The following GPR21 variants were observed in gnomAD, a reference collection of about 807,000 sequenced individuals.
GPR21 encodes G protein-coupled receptor 21.
In GPR21, 9 loss-of-function variants were observed where a neutral mutation model predicts 21.5. The ratio of observed to expected loss-of-function variants is 0.42; its 90% CI spans 0.25 to 0.73. The LOEUF (loss-of-function observed/expected upper bound fraction) is 0.73, where lower values mean the gene tolerates loss of function less well. Among genes scored for constraint, GPR21 ranks in the 30% least tolerant of loss-of-function variants. The pLI, the probability that GPR21 is intolerant of heterozygous loss-of-function variation, is 0.27. For synonymous variants in GPR21, 169 were observed against 159.3 expected (o/e 1.06, Z -0.46); for missense variants, 416 against 428.9 (o/e 0.97, Z 0.27).
At chr9:123,042,387 G>A in the GPR21 span, among the ~76,000 whole-genome samples, 2 of 152,086 alleles carry the variant, frequency 1.3e-5, no homozygotes, top group African/African-American at 4.8e-5. Context: ...AAAGTACAGA[G>A]CCCAAAACAA....
Position 123,034,929 on chromosome 9 carries a change from C to G in GPR21, c.363C>G (p.Ala121=). The G allele has an allele frequency of 6.2e-7, 1 of 1,612,580 alleles. No homozygotes were observed. Among genetic ancestry groups the G allele is most frequent in the Non-Finnish European group, 8.5e-7 (1 of 1,178,654 alleles). The change falls in exon 2 of 2, where the codon GCC becomes GCG. Residue 121 remains alanine, a synonymous_variant. Transcript: ENST00000616002. ...AGAGCGTCTCCATGGCTTCTCTGGCCTGTATCAGCATTGATAGATACATTG... is the reference window on the plus strand; with the variant it reads ...AGAGCGTCTCCATGGCTTCTCTGGCGTGTATCAGCATTGATAGATACATTG... ...VLKSVSMASL[A]CISIDRYIAI...
chr9:123,034,329 C>T lies in GPR21; in HGVS notation c.-238C>T. The T allele has an allele frequency of 1.8e-6, 1 of 541,706 alleles. No individual in the cohort carries two copies. The highest frequency in any genetic ancestry group is 3.2e-6 in the Non-Finnish European group (1 of 310,628). The allele number at this position is 541,706 out of a possible 1,614,324, so 33.6% of individuals were successfully genotyped here. On this transcript the variant is annotated 5_prime_UTR_variant, in exon 2 of 2. Transcript: ENST00000616002. ...GTGTATGGTGAACCTGGCACTATGG[C>T]CGCGTCTGGGACTGGCCAGACAACT...
the GPR21 span, among the ~76,000 whole-genome samples, chr9:123,046,569 A>G: frequency 1.3e-5 from 2 of 152,168 alleles, no homozygotes; most frequent in South Asian, 2.1e-4. Context: ...TGTCTTAACT[A>G]ATGACACTGT....
In GPR21 at chr9:123,034,963, A is replaced by G; in HGVS notation, c.397A>G (p.Lys133Glu). ...CATTGATAGATACATTGCCATTACTAAACCTTTAACCTATAATACTCTGGT... is the reference window on the plus strand; with the variant it reads ...CATTGATAGATACATTGCCATTACTGAACCTTTAACCTATAATACTCTGGT... Reference protein sequence around the residue: ...ISIDRYIAITKPLTYNTLVTP... With the variant: ...ISIDRYIAITEPLTYNTLVTP... Residue 133 changes from lysine to glutamate, a missense_variant, in exon 2 of 2, where the codon AAA becomes GAA. Coordinates refer to ENST00000616002, the MANE Select transcript of GPR21 (RefSeq NM_005294.3). 6.2e-7 allele frequency: 1 copy of G among 1,613,742 alleles called. No homozygotes were observed. The highest frequency in any genetic ancestry group is 8.5e-7 in the Non-Finnish European group (1 of 1,179,680).
the GPR21 span, among the ~76,000 whole-genome samples, chr9:123,042,636 A>G: frequency 3.9e-5 from 6 of 152,246 alleles, no homozygotes; most frequent in African/African-American, 1.4e-4. Flanking sequence ...TAGGTCAGAT[A>G]GTGAAACAAA....
chr9:123,046,631 G>A, the GPR21 span, among the ~76,000 whole-genome samples: 1 of 152,208 alleles, frequency 6.6e-6, no homozygotes, highest in Non-Finnish European at 1.5e-5. Flanking sequence ...AAAGCTCTTA[G>A]CGTAGTGCTT....
chr9:123,037,821 G>C (rs1297553480), downstream of GPR21, among the ~76,000 whole-genome samples: 1 of 152,022 alleles, frequency 6.6e-6, no homozygotes, highest in African/African-American at 2.4e-5. Flanking sequence ...TATTTGGAAA[G>C]TTCATGTTTA....
downstream of GPR21, among the ~76,000 whole-genome samples, chr9:123,037,275 A>C (rs1164416633): frequency 6.6e-6 from 1 of 152,194 alleles, no homozygotes; most frequent in African/African-American, 2.4e-5. Flanking sequence ...CATCAACTTG[A>C]TTTTAACCTC....
the GPR21 span, among the ~76,000 whole-genome samples, chr9:123,048,728 C>G: frequency 1.3e-5 from 2 of 152,156 alleles, no homozygotes; most frequent in Non-Finnish European, 2.9e-5. Context: ...TGACTATCAC[C>G]ACCTCTTAAA....
At chr9:123,042,159 A>G in the GPR21 span, among the ~76,000 whole-genome samples, 1 of 152,226 alleles carries the variant, frequency 6.6e-6, no homozygotes, top group Non-Finnish European at 1.5e-5. Context: ...CACTCTCAGA[A>G]TGTTCTAAGC....
chr9:123,036,701 CT>C (rs1249062827), downstream of GPR21, among the ~76,000 whole-genome samples: 10 of 151,892 alleles, frequency 6.6e-5, no homozygotes, highest in African/African-American at 2.2e-4. Flanking sequence ...GAAAAGTATT[CT>C]TTCAGTTAGT....
Position 123,034,674 on chromosome 9 carries a change from CT to C in GPR21, c.111del (p.Leu38Ter), listed in dbSNP as rs1564148717. 6.2e-7 allele frequency: 1 copy of C among 1,612,838 alleles called. No individual in the cohort carries two copies. Among genetic ancestry groups the C allele is most frequent in the South Asian group, 1.1e-5 (1 of 91,052 alleles). On this transcript the variant is annotated frameshift_variant, in exon 2 of 2. Coordinates refer to ENST00000616002, the MANE Select transcript of GPR21 (RefSeq NM_005294.3). LOFTEE classifies it high-confidence loss of function. ...FCLLEVLIIVFLTVLIISGNI... is the reference protein window; with the variant it reads ...FCLLEVLIIVXLTVLIISGNI... ...GCCTTTTGGAAGTATTGATTATTGT[CT>C]TTCTAACTGTATTGATTATTTCTGG...
downstream of GPR21, among the ~76,000 whole-genome samples, chr9:123,037,993 CAT>C (rs911083656): frequency 3.3e-5 from 5 of 152,090 alleles, no homozygotes; most frequent in South Asian, 2.1e-4. Context: ...TCAGAGGAAA[CAT>C]ATACTTTTGG....
chr9:123,044,103 C>T, the GPR21 span, among the ~76,000 whole-genome samples: 3 of 151,948 alleles, frequency 2.0e-5, no homozygotes, highest in Non-Finnish European at 4.4e-5. Context: ...CGGGGTTTCA[C>T]CATGTTATCC....
chr9:123,038,248 A>G (rs958250333), downstream of GPR21, among the ~76,000 whole-genome samples: 1 of 152,038 alleles, frequency 6.6e-6, no homozygotes, highest in African/African-American at 2.4e-5. Flanking sequence ...TCAAAATTCC[A>G]TTTTGGAAAA....
downstream of GPR21, among the ~76,000 whole-genome samples, chr9:123,036,657 C>T (rs1045593186): frequency 6.6e-6 from 1 of 152,050 alleles, no homozygotes; most frequent in African/African-American, 2.4e-5. Context: ...GAGACATTTT[C>T]TTTGTGGTTA....
chr9:123,047,106 A>T, the GPR21 span, among the ~76,000 whole-genome samples: 1 of 152,214 alleles, frequency 6.6e-6, no homozygotes, highest in Non-Finnish European at 1.5e-5. Flanking sequence ...GAAAAAAAGG[A>T]AACAACTGTT....
Sources: allele counts gnomAD v4.1 joint callset (sites outside exome capture counted in the v4.1 genomes callset), GRCh38; gene constraint gnomAD v4.1.1; transcripts MANE v1.5; gene names NCBI Gene and HGNC (gene_info 2026-07-23, HGNC 2026-07-21).